KAZN: variants seen among roughly 807,000 people sequenced by gnomAD.
KAZN encodes kazrin, periplakin interacting protein.
Under a neutral mutation model 87.4 loss-of-function variants are expected in KAZN, and 40 were observed. The observed-to-expected ratio is 0.46, with a 90% CI of 0.36 to 0.60. The LOEUF is 0.60. Among genes scored for constraint, KAZN ranks in the 20% least tolerant of loss-of-function variants. The pLI, the probability that KAZN is intolerant of heterozygous loss-of-function variation, is 0.00. For missense variants in KAZN, 898 were observed against 1,073.9 expected (o/e 0.84, Z 2.29); for synonymous variants, 466 against 458.3 (o/e 1.02, Z -0.22).
intron 1 of KAZN, among the ~76,000 whole-genome samples, chr1:14,776,684 T>C (rs1030020773): frequency 6.6e-6 from 1 of 152,156 alleles, no homozygotes; most frequent in African/African-American, 2.4e-5. Flanking sequence ...CCCAGCACTT[T>C]GAGAGGCCTA....
Position 15,066,572 on chromosome 1 carries a change from A to G in KAZN, c.1222+819A>G, listed in dbSNP as rs1209502795. On this transcript the variant is annotated intron_variant, in intron 8 of 14. Coordinates refer to ENST00000376030, the MANE Select transcript of KAZN (RefSeq NM_201628.3). The surrounding 1 kb of genome is among the most constrained non-coding windows in gnomAD (Gnocchi z 4.3). ...TTTCTTTCTTTATGAAAAAAAAGAA[A>G]AAAAGAAAATTGTTTCATTTAATTT... The G allele has an allele frequency of 1.0e-6, 1 of 984,802 alleles. No individual in the cohort carries two copies. The highest frequency in any genetic ancestry group is 1.1e-4 in the East Asian group (1 of 8,830). 61.0% of individuals were successfully genotyped at this position (984,802 alleles called of 1,614,324 possible).
At chr1:14,388,203 C>T (rs562769447) in intron 2 of KAZN, among the ~76,000 whole-genome samples, 10 of 152,170 alleles carry the variant, frequency 6.6e-5, no homozygotes, top group Admixed American at 1.3e-4. Context: ...CCCTGACCTG[C>T]GCCCACTGTC....
chr1:14,382,230 T>C (rs913056922), intron 2 of KAZN, among the ~76,000 whole-genome samples: 1 of 152,212 alleles, frequency 6.6e-6, no homozygotes, highest in Non-Finnish European at 1.5e-5. Flanking sequence ...TAAATGTCCA[T>C]ACTACCCAAT....
chr1:14,122,475 A>G (rs1031327300), intron 1 of KAZN, among the ~76,000 whole-genome samples: 8 of 152,174 alleles, frequency 5.3e-5, no homozygotes, highest in Non-Finnish European at 1.0e-4. Context: ...TTTCATTCCC[A>G]TCACAATCCT....
At chr1:14,898,380 C>G (rs1170998110) in intron 1 of KAZN, among the ~76,000 whole-genome samples, 1 of 152,140 alleles carries the variant, frequency 6.6e-6, no homozygotes, top group African/African-American at 2.4e-5. Flanking sequence ...GAAATGTGGT[C>G]CTTTCTCAGG....
intron 2 of KAZN, among the ~76,000 whole-genome samples, chr1:14,501,040 C>G (rs1053864294): frequency 6.6e-6 from 1 of 150,596 alleles, no homozygotes; most frequent in Non-Finnish European, 1.5e-5. Flanking sequence ...AATACCAATT[C>G]TTCACAGACT....
At chr1:14,283,953 A>G (rs927676529) in intron 2 of KAZN, among the ~76,000 whole-genome samples, 5 of 152,192 alleles carry the variant, frequency 3.3e-5, no homozygotes, top group Admixed American at 2.0e-4. Flanking sequence ...TACACCCTAC[A>G]ATGTGGATGA....
intron 1 of KAZN, among the ~76,000 whole-genome samples, chr1:14,137,327 G>A (rs1298833278): frequency 2.0e-5 from 3 of 152,150 alleles, no homozygotes; most frequent in Admixed American, 6.5e-5. Flanking sequence ...GTTCCCAGGT[G>A]CGTGGGTCAG....
At chr1:14,992,404 G>A (rs1667443814) in intron 2 of KAZN, among the ~76,000 whole-genome samples, 1 of 152,154 alleles carries the variant, frequency 6.6e-6, no homozygotes, top group African/African-American at 2.4e-5. Flanking sequence ...GGCCAAGGGT[G>A]AGGAGGAAAG....
chr1:14,800,117 C>T (rs1307072208), intron 1 of KAZN, among the ~76,000 whole-genome samples: 4 of 152,122 alleles, frequency 2.6e-5, no homozygotes, highest in African/African-American at 7.2e-5. Context: ...CAGAGATTTA[C>T]GGGAGGCAGA....
At chr1:14,551,617 G>A (rs1271559660) in intron 2 of KAZN, among the ~76,000 whole-genome samples, 2 of 152,112 alleles carry the variant, frequency 1.3e-5, no homozygotes, top group African/African-American at 2.4e-5. Flanking sequence ...CTAGGTCAAG[G>A]CCTCCCATAT....
rs987399877 is a variant in KAZN, at chr1:15,116,725, CCA to C, written c.*2093_*2094del. ...AACGTGCCCAGGCAGGCAGTTATTC[CCA>C]CAGAGTGAGCCAGAATTGTAGCAGG... On this transcript the variant is annotated 3_prime_UTR_variant, in exon 15 of 15. Transcript: ENST00000376030. 1 of 152,196 alleles carries C rather than the reference CCA, an allele frequency of 6.6e-6. No individual in the cohort carries two copies. Among genetic ancestry groups the C allele is most frequent in the African/African-American group, 2.4e-5 (1 of 41,452 alleles). 9.4% of individuals were successfully genotyped at this position (152,196 alleles called of 1,614,324 possible). A position where few individuals can be genotyped will look rare whatever the true frequency, so the allele number is the denominator to read the frequency against.
At chr1:14,329,213 C>T (rs1270683264) in intron 2 of KAZN, among the ~76,000 whole-genome samples, 1 of 152,092 alleles carries the variant, frequency 6.6e-6, no homozygotes, top group African/African-American at 2.4e-5. Context: ...CCACTAACAA[C>T]ACTGAGCTTG....
intron 2 of KAZN, among the ~76,000 whole-genome samples, chr1:14,324,101 G>A (rs1454341681): frequency 6.6e-6 from 1 of 152,140 alleles, no homozygotes; most frequent in African/African-American, 2.4e-5. Flanking sequence ...TCGTCTAAAT[G>A]TGTATGTTCA....
chr1:14,477,827 C>T (rs192614213), intron 2 of KAZN, among the ~76,000 whole-genome samples: 1 of 152,298 alleles, frequency 6.6e-6, no homozygotes, highest in Non-Finnish European at 1.5e-5. Context: ...GCCAACGCTG[C>T]CCATTAGAAA....
intron 1 of KAZN, among the ~76,000 whole-genome samples, chr1:14,847,429 T>C (rs1648916010): frequency 6.6e-6 from 1 of 152,180 alleles, no homozygotes; most frequent in Non-Finnish European, 1.5e-5. Context: ...TTGAAATTGA[T>C]GTAGGCTTGT....
At position 14,157,344 on chromosome 1, in the gene KAZN, G is replaced by A. The variant is rs370606031; in HGVS notation, c.92-23091G>A. On this transcript the variant is annotated intron_variant, in intron 1 of 16. Coordinates refer to the KAZN transcript ENST00000636203. ...TACTTACTGTTAGCAGTGAGCTTTG[G>A]ACCTTAAGATGAAGCCGACCTACTT... Among the ~76,000 whole-genome samples, 107 of 152,222 alleles carry A rather than the reference G, an allele frequency of 7.0e-4. 1 individual carries two copies. The South Asian group carries it at 0.018, about 26-fold the overall frequency.
At chr1:14,143,082 G>T (rs1328478853) in intron 1 of KAZN, among the ~76,000 whole-genome samples, 4 of 152,184 alleles carry the variant, frequency 2.6e-5, no homozygotes, top group Non-Finnish European at 5.9e-5. Context: ...TTCCAAGACA[G>T]CTCTCAGCAT....
chr1:14,385,909 G>A (rs1661839365), intron 2 of KAZN, among the ~76,000 whole-genome samples: 1 of 147,886 alleles, frequency 6.8e-6, no homozygotes, highest in South Asian at 2.3e-4. Context: ...TGTTGACAGT[G>A]GGGTGTTAAA....
Sources: allele counts gnomAD v4.1 joint callset (sites outside exome capture counted in the v4.1 genomes callset), GRCh38; gene constraint gnomAD v4.1.1; non-coding constraint Gnocchi (gnomAD v3.1); transcripts MANE v1.5; gene names NCBI Gene and HGNC (gene_info 2026-07-23, HGNC 2026-07-21).